PHKB: variants seen among roughly 807,000 people sequenced by gnomAD.
PHKB encodes the protein phosphorylase kinase regulatory subunit beta.
A neutral mutation model predicts 152.1 loss-of-function variants in PHKB; 122 were observed. That is an observed-to-expected ratio of 0.80 (90% CI 0.69 to 0.93). PHKB has a LOEUF of 0.93. PHKB is among the 40% of genes least tolerant of loss of function. The probability of loss-of-function intolerance (pLI) is 0.00; values close to 1 mark genes in which losing one functional copy is unlikely to be tolerated. For synonymous variants in PHKB, 436 were observed against 464.9 expected (o/e 0.94, Z 0.80); for missense variants, 1,304 against 1,328.4 (o/e 0.98, Z 0.29).
rs1491544334 is a variant in PHKB, at chr16:47,675,519, A to ACACACTCTCTCT, written c.2630+6103_2630+6104insACACTCTCTCTC. Reference sequence around the variant, plus strand: ...CACACGTACACACACACACACACACACTCTCTCTCTCTCTCTCTCTCTCTC... The same window carrying ACACACTCTCTCT: ...CACACGTACACACACACACACACACACACACTCTCTCTCTCTCTCTCTCTCTCTCTCTCTCTC... On this transcript the variant is annotated intron_variant, in intron 26 of 30. Coordinates refer to ENST00000323584, the MANE Select transcript of PHKB (RefSeq NM_000293.3). 1.0e-2 allele frequency: 878 copies of ACACACTCTCTCT among 88,042 alleles called. 15 individuals are homozygous for ACACACTCTCTCT. Among genetic ancestry groups the ACACACTCTCTCT allele is most frequent in the African/African-American group, 0.026 (844 of 32,120 alleles). The allele number at this position is 88,042 out of a possible 1,614,324, so 5.5% of individuals were successfully genotyped here.
chr16:47,553,200 A>G (rs1971305299), intron 7 of PHKB, among the ~76,000 whole-genome samples: 1 of 151,974 alleles, frequency 6.6e-6, no homozygotes, highest in African/African-American at 2.4e-5. Flanking sequence ...CTTTCCACAT[A>G]GTCCCATATT....
intron 7 of PHKB, among the ~76,000 whole-genome samples, chr16:47,572,673 T>C (rs144692774): frequency 6.6e-6 from 1 of 152,178 alleles, no homozygotes; most frequent in Non-Finnish European, 1.5e-5. Flanking sequence ...ATGGTGGCAG[T>C]AGGGGAGTGG....
chr16:47,485,275 G>A (rs923238895), intron 1 of PHKB, among the ~76,000 whole-genome samples: 1 of 152,086 alleles, frequency 6.6e-6, no homozygotes, highest in African/African-American at 2.4e-5. Context: ...AATAAATCAT[G>A]GTTTAAGTTT....
At chr16:47,539,666 G>A (rs1971016878) in intron 6 of PHKB, among the ~76,000 whole-genome samples, 1 of 152,104 alleles carries the variant, frequency 6.6e-6, no homozygotes, top group African/African-American at 2.4e-5. Flanking sequence ...ATTGTTGCAG[G>A]AAGTCAGGGA....
At chr16:47,657,044 G>A (rs1410132821) in intron 20 of PHKB, among the ~76,000 whole-genome samples, 1 of 151,892 alleles carries the variant, frequency 6.6e-6, no homozygotes, top group African/African-American at 2.4e-5. Context: ...TTCCTCTTTA[G>A]TGAAGCCTCG....
intron 26 of PHKB, among the ~76,000 whole-genome samples, chr16:47,674,843 C>T (rs946433034): frequency 1.1e-4 from 17 of 152,138 alleles, no homozygotes; most frequent in African/African-American, 3.6e-4. Context: ...AGACAGTTGC[C>T]GTGTAACTCC....
intron 7 of PHKB, among the ~76,000 whole-genome samples, chr16:47,573,303 G>A (rs1273385897): frequency 1.3e-5 from 2 of 152,306 alleles, no homozygotes; most frequent in South Asian, 4.1e-4. Context: ...CCTGTCTGTG[G>A]TGTTAGGCTA....
intron 6 of PHKB, among the ~76,000 whole-genome samples, chr16:47,519,024 T>G (rs1241623090): frequency 6.6e-6 from 1 of 152,240 alleles, no homozygotes; most frequent in Non-Finnish European, 1.5e-5. Context: ...AATGAAATTT[T>G]GTTTTGTGTT....
intron 1 of PHKB, among the ~76,000 whole-genome samples, chr16:47,493,029 C>T (rs1007391699): frequency 2.0e-5 from 3 of 152,150 alleles, no homozygotes; most frequent in Admixed American, 6.5e-5. Context: ...AGCTGGCTTC[C>T]GCCTCATAGA....
At chr16:47,533,259 G>A (rs1970893303) in intron 6 of PHKB, among the ~76,000 whole-genome samples, 1 of 152,166 alleles carries the variant, frequency 6.6e-6, no homozygotes, top group African/African-American at 2.4e-5. Flanking sequence ...GGCCTCAGGG[G>A]TGAGGAAGTG....
chr16:47,686,586 G>A (rs1039732110), intron 26 of PHKB, among the ~76,000 whole-genome samples: 3 of 152,172 alleles, frequency 2.0e-5, no homozygotes, highest in African/African-American at 7.2e-5. Context: ...TGCCAGTGGG[G>A]CACAGTTGGT....
intron 14 of PHKB, among the ~76,000 whole-genome samples, chr16:47,611,863 C>T (rs1411799272): frequency 3.3e-5 from 5 of 152,102 alleles, no homozygotes; most frequent in African/African-American, 1.2e-4. Flanking sequence ...ATGGTTTTCT[C>T]AAGAACATAA....
intron 27 of PHKB, among the ~76,000 whole-genome samples, chr16:47,690,316 G>A (rs1974037470): frequency 6.6e-6 from 1 of 152,080 alleles, no homozygotes; most frequent in Non-Finnish European, 1.5e-5. Flanking sequence ...AAAACAAGAA[G>A]ACATGGTTAA....
At chr16:47,483,815 CTT>C (rs1379190128) in intron 1 of PHKB, among the ~76,000 whole-genome samples, 3 of 152,186 alleles carry the variant, frequency 2.0e-5, no homozygotes, top group Non-Finnish European at 4.4e-5. Context: ...GTCACAGTAA[CTT>C]TTGGTAAGGT....
intron 1 of PHKB, among the ~76,000 whole-genome samples, chr16:47,478,507 A>G (rs908080822): frequency 6.6e-6 from 1 of 150,978 alleles, no homozygotes; most frequent in Admixed American, 6.6e-5. Context: ...GAAAAAAAGA[A>G]ACAAAGCATA....
rs1202999775 is a variant in PHKB, at chr16:47,499,812, A to G, written c.223A>G (p.Thr75Ala). ...SPTTGLFPTKTCGGDQKAKIQ... is the reference protein window; with the variant it reads ...SPTTGLFPTKACGGDQKAKIQ... ...AACTACCGGTCTCTTTCCCACTAAA[A>G]CATGCGGTGGTGACCAGAAGGCCAA... is the stretch of plus-strand genomic sequence containing the variant. Residue 75 changes from threonine (T) to alanine (A), a missense_variant, in exon 3 of 31, where the codon ACA (threonine) becomes GCA (alanine). Thr to Ala is a moderately conservative substitution (Grantham distance 58). Coordinates refer to ENST00000323584, the MANE Select transcript of PHKB (RefSeq NM_000293.3). 1.2e-6 allele frequency: 2 copies of G among 1,614,066 alleles called. No individual in the cohort carries two copies. Among genetic ancestry groups the G allele is most frequent in the Non-Finnish European group, 8.5e-7 (1 of 1,180,030 alleles).
intron 7 of PHKB, among the ~76,000 whole-genome samples, chr16:47,578,546 T>A (rs1311795529): frequency 6.6e-6 from 1 of 152,170 alleles, no homozygotes; most frequent in African/African-American, 2.4e-5. Flanking sequence ...TTTGTTGACA[T>A]CCAGGTCCCC....
chr16:47,679,987 G>A (rs1269501142), intron 26 of PHKB, among the ~76,000 whole-genome samples: 2 of 152,170 alleles, frequency 1.3e-5, no homozygotes, highest in African/African-American at 4.8e-5. Flanking sequence ...AAGTGTTGTT[G>A]AATTTTGTCA....
chr16:47,659,234 T>C (rs966445809), intron 20 of PHKB, among the ~76,000 whole-genome samples: 12 of 152,342 alleles, frequency 7.9e-5, no homozygotes, highest in African/African-American at 2.6e-4. Flanking sequence ...TAAATGGGCA[T>C]TTGTTGATCT....
Sources: gnomAD v4.1 joint callset for allele counts (sites outside exome capture counted in the v4.1 genomes callset) on GRCh38, gnomAD v4.1.1 for gene constraint, MANE v1.5 for transcripts, NCBI Gene and HGNC (gene_info 2026-07-23, HGNC 2026-07-21) for gene names.